The following CSDC2 variants were observed in gnomAD, a reference collection of about 807,000 sequenced individuals.
CSDC2 encodes cold shock domain containing C2, also known as cold shock domain-containing protein C2.
CSDC2 carries 8 observed loss-of-function variants against 15.8 expected under a neutral mutation model. The ratio of observed to expected loss-of-function variants is 0.51; its 90% CI spans 0.30 to 0.92. The LOEUF is 0.92. CSDC2 is among the 40% of genes least tolerant of loss of function. The pLI, the probability that CSDC2 is intolerant of heterozygous loss-of-function variation, is 0.07. For synonymous variants in CSDC2, 96 were observed against 92.3 expected (o/e 1.04, Z -0.23); for missense variants, 195 against 213.3 (o/e 0.91, Z 0.53).
rs940771353 is a variant in CSDC2, at chr22:41,571,982, C to T, written c.17C>T (p.Thr6Met). MTSES[T>M]SPPVVPPLHS... ...GGCCCCACCATGACTTCAGAGTCGA[C>T]GTCACCCCCAGTTGTGCCCCCGCTC... The change falls in exon 2 of 4, where the codon ACG (threonine) becomes ATG (methionine). Residue 6 changes from threonine to methionine, a missense_variant. Transcript: ENST00000306149. 14 of 1,357,270 alleles carry T rather than the reference C, an allele frequency of 1.0e-5. No homozygotes were observed. The African/African-American group carries it at 1.5e-4, about 15-fold the overall frequency. 84.1% of individuals were successfully genotyped at this position (1,357,270 alleles called of 1,614,324 possible).
At position 41,572,005 on chromosome 22, in the gene CSDC2, C is replaced by T. The variant is rs2067147575; in HGVS notation, c.40C>T (p.Leu14Phe). Residue 14 changes from leucine to phenylalanine, a missense_variant, in exon 2 of 4, where the codon CTC becomes TTC. By Grantham distance (22) the Leu-to-Phe change is conservative. Coordinates refer to ENST00000306149, the MANE Select transcript of CSDC2 (RefSeq NM_014460.4). ...GACGTCACCCCCAGTTGTGCCCCCG[C>T]TCCACTCCCCCAAGTCCCCAGTCTG... ...ESTSPPVVPP[L>F]HSPKSPVWPT... 3 of 1,365,458 alleles carry T rather than the reference C, an allele frequency of 2.2e-6. No individual in the cohort carries two copies. Among genetic ancestry groups the T allele is most frequent in the African/African-American group, 3.0e-5 (2 of 65,636 alleles). 84.6% of individuals were successfully genotyped at this position (1,365,458 alleles called of 1,614,324 possible). A position where few individuals can be genotyped will look rare whatever the true frequency, so the allele number is the denominator to read the frequency against.
In CSDC2 at chr22:41,576,283, C is replaced by T. The variant is rs983634406; in HGVS notation, c.*1388C>T. The T allele has an allele frequency of 6.6e-6, 1 of 152,348 alleles. No individual in the cohort carries two copies. Among genetic ancestry groups the T allele is most frequent in the South Asian group, 2.1e-4 (1 of 4,836 alleles). The allele number at this position is 152,348 out of a possible 1,614,324, so 9.4% of individuals were successfully genotyped here. A position where few individuals can be genotyped will look rare whatever the true frequency, so the allele number is the denominator to read the frequency against. On this transcript the variant is annotated 3_prime_UTR_variant, in exon 4 of 4. Coordinates refer to ENST00000306149, the MANE Select transcript of CSDC2 (RefSeq NM_014460.4). ...AATCAGCCGGGATGCCTGCATCCCA[C>T]CCCCGGCCCCAGGGCCCACCACATA...
intron 1 of CSDC2, among the ~76,000 whole-genome samples, chr22:41,567,128 G>A (rs964707349): frequency 1.3e-5 from 2 of 152,112 alleles, no homozygotes; most frequent in African/African-American, 2.4e-5. Flanking sequence ...GGAAACAAAT[G>A]TTCTAGAAAC....
At chr22:41,562,935 G>A (rs2145594689) in intron 1 of CSDC2, among the ~76,000 whole-genome samples, 1 of 152,164 alleles carries the variant, frequency 6.6e-6, no homozygotes, top group African/African-American at 2.4e-5. Context: ...CTCTCTAGGG[G>A]GTCTCAAAAT....
At chr22:41,565,144 A>C (rs559568512) in intron 1 of CSDC2, among the ~76,000 whole-genome samples, 116 of 134,214 alleles carry the variant, frequency 8.6e-4, no homozygotes, top group Middle Eastern at 4.8e-3. Context: ...CCAGCCTGGG[A>C]GACAGAGTGA....
At chr22:41,572,351 CCCACCCACCCACCCA>C (rs2067149746) in intron 2 of CSDC2, among the ~76,000 whole-genome samples, 1 of 38,948 alleles carries the variant, frequency 2.6e-5, no homozygotes, top group Non-Finnish European at 5.6e-5. Context: ...CATCCACCCA[CCCACCCACCCACCCA>C]CCCACCCACC....
chr22:41,564,291 G>GC (rs1323579155), intron 1 of CSDC2, among the ~76,000 whole-genome samples: 1 of 151,590 alleles, frequency 6.6e-6, no homozygotes, highest in Non-Finnish European at 1.5e-5. Flanking sequence ...ACAGAGTCTT[G>GC]CTGTGTCGCC....
chr22:41,562,282 G>C (rs1368159926), intron 1 of CSDC2, among the ~76,000 whole-genome samples: 1 of 151,758 alleles, frequency 6.6e-6, no homozygotes, highest in East Asian at 1.9e-4. Flanking sequence ...GAGTCCTCTG[G>C]ACCCTCCAAA....
At chr22:41,562,815 A>C (rs2067094139) in intron 1 of CSDC2, among the ~76,000 whole-genome samples, 1 of 151,806 alleles carries the variant, frequency 6.6e-6, no homozygotes, top group Non-Finnish European at 1.5e-5. Context: ...GCAAAATGAC[A>C]CTCCTGGGCT....
chr22:41,568,329 G>T (rs898301052), intron 1 of CSDC2, among the ~76,000 whole-genome samples: 2 of 151,758 alleles, frequency 1.3e-5, no homozygotes, highest in African/African-American at 4.8e-5. Flanking sequence ...TGTCCCCCAG[G>T]CTGCACTGCA....
intron 1 of CSDC2, among the ~76,000 whole-genome samples, chr22:41,563,507 T>C (rs146768532): frequency 6.6e-6 from 1 of 152,030 alleles, no homozygotes; most frequent in Non-Finnish European, 1.5e-5. Context: ...ATTGGGGGAG[T>C]TGTTTTTAAG....
intron 1 of CSDC2, among the ~76,000 whole-genome samples, 198 bp downstream of exon 1, chr22:41,561,381 C>T (rs1010900259): frequency 1.6e-4 from 25 of 152,304 alleles, no homozygotes; most frequent in African/African-American, 5.3e-4. Context: ...GAGGTGAGGC[C>T]GTGTGGCTCC....
intron 1 of CSDC2, among the ~76,000 whole-genome samples, 178 bp downstream of exon 1, chr22:41,561,361 AC>A (rs1189451666): frequency 6.6e-6 from 1 of 151,950 alleles, no homozygotes; most frequent in Non-Finnish European, 1.5e-5. Context: ...TCTCCCCGTG[AC>A]CCCCAAATGA....
chr22:41,564,607 G>C (rs2145595823), intron 1 of CSDC2, among the ~76,000 whole-genome samples: 1 of 152,266 alleles, frequency 6.6e-6, no homozygotes, highest in African/African-American at 2.4e-5. Flanking sequence ...CGCTGGACTG[G>C]GGTGCTCTAA....
Position 41,572,111 on chromosome 22 carries a change from TG to T in CSDC2, c.147del (p.Thr51ProfsTer63). ...CCACCTCGGGACCTACCCAGCCCTC[TG>T]CCCACCAAGCGGACCAGGACCTATT... Reference protein sequence around the residue: ...GVPPRDLPSPLPTKRTRTYSA... With the variant: ...GVPPRDLPSPXPTKRTRTYSA... On this transcript the variant is annotated frameshift_variant, in exon 2 of 4. Coordinates refer to ENST00000306149, the MANE Select transcript of CSDC2 (RefSeq NM_014460.4). LOFTEE classifies it high-confidence loss of function. The T allele has an allele frequency of 7.4e-7, 1 of 1,349,606 alleles. No individual in the cohort carries two copies. Among genetic ancestry groups the T allele is most frequent in the Non-Finnish European group, 9.6e-7 (1 of 1,045,442 alleles). 83.6% of individuals were successfully genotyped at this position (1,349,606 alleles called of 1,614,324 possible). A position where few individuals can be genotyped will look rare whatever the true frequency, so the allele number is the denominator to read the frequency against.
Position 41,571,837 on chromosome 22 carries a change from T to C in CSDC2, c.-123-6T>C. 1.9e-6 allele frequency: 1 copy of C among 531,320 alleles called. No individual in the cohort carries two copies. The highest frequency in any genetic ancestry group is 3.0e-6 in the Non-Finnish European group (1 of 332,098). The allele number at this position is 531,320 out of a possible 1,614,324, so 32.9% of individuals were successfully genotyped here. A position where few individuals can be genotyped will look rare whatever the true frequency, so the allele number is the denominator to read the frequency against. On this transcript the variant is annotated splice_polypyrimidine_tract_variant and splice_region_variant and intron_variant, in intron 1 of 3. Transcript: ENST00000306149. ...GCTCACCTGTGCCTCTTTCTTCCTC[T>C]TCCAGACGGAGCCCGTGGCTGGTGA... is the stretch of plus-strand genomic sequence containing the variant.
At chr22:41,568,828 G>A (rs1217303220) in intron 1 of CSDC2, among the ~76,000 whole-genome samples, 3 of 152,198 alleles carry the variant, frequency 2.0e-5, no homozygotes, top group Non-Finnish European at 4.4e-5. Context: ...GGCTGCCCTC[G>A]ACCCTGGCCC....
intron 2 of CSDC2, among the ~76,000 whole-genome samples, chr22:41,572,840 G>A (rs2067154910): frequency 6.6e-6 from 1 of 152,164 alleles, no homozygotes; most frequent in Admixed American, 6.5e-5. Flanking sequence ...CCGATGAGGT[G>A]GCATAGGGGA....
intron 1 of CSDC2, among the ~76,000 whole-genome samples, chr22:41,563,080 T>C (rs1055589770): frequency 6.6e-6 from 1 of 152,084 alleles, no homozygotes. Context: ...ACCACAGCAG[T>C]TCCCCAGGGC....
Sources: allele counts gnomAD v4.1 joint callset (sites outside exome capture counted in the v4.1 genomes callset), GRCh38; gene constraint gnomAD v4.1.1; transcripts MANE v1.5; gene names NCBI Gene and HGNC (gene_info 2026-07-23, HGNC 2026-07-21).